Variants in USP35 observed in about 807,000 individuals in gnomAD.
USP35 encodes the protein ubiquitin specific peptidase 35.
In USP35, 69 loss-of-function variants were observed where a neutral mutation model predicts 83.8. The observed-to-expected ratio is 0.82, with a 90% confidence interval of 0.68 to 1.01. The LOEUF (loss-of-function observed/expected upper bound fraction) is 1.01. Ranked by LOEUF, USP35 falls within the 50% of genes least tolerant of loss-of-function variation. USP35 has a pLI of 0.00. For missense variants in USP35, 1,503 were observed against 1,362.5 expected, an observed-to-expected ratio of 1.10 and a Z score of -1.62; for synonymous variants, 714 against 589.5, an observed-to-expected ratio of 1.21 and a Z score of -3.06.
chr11:78,219,413 T>C, downstream of USP35: 1 of 1,613,846 alleles, frequency 6.2e-7, no homozygotes, highest in Non-Finnish European at 8.5e-7. Flanking sequence ...ATGAAGTAGA[T>C]GGCTGAGGGG....
At chr11:78,227,646 A>AAAAAAAAAAAAAAC in the USP35 span, among the ~76,000 whole-genome samples, 7 of 151,494 alleles carry the variant, frequency 4.6e-5, no homozygotes, top group Admixed American at 1.3e-4. Flanking sequence ...AAAAAAAAAA[A>AAAAAAAAAAAAAAC]AGAACTAGCT....
At chr11:78,203,568 A>G (rs1863426621) in intron 6 of USP35, among the ~76,000 whole-genome samples, 2 of 151,400 alleles carry the variant, frequency 1.3e-5, no homozygotes, top group Non-Finnish European at 2.9e-5. Flanking sequence ...ACATGTTTAC[A>G]TGTTTTAATA....
rs1863615192 is a variant in USP35 at position 78,208,779 on chromosome 11, C to T, written c.1486-78C>T. ...TGAGGCCGAGGGAATGAGGTAGACC[C>T]TCAGGCCTAACCTGTGCAGAGCTGG... On this transcript the variant is annotated intron_variant, in intron 8 of 10. Transcript: ENST00000529308. 9 of 1,504,160 alleles carry T rather than the reference C, an allele frequency of 6.0e-6. No homozygotes were observed. In the East Asian group the frequency reaches 2.0e-4, roughly 34 times the overall value. 93.2% of individuals were successfully genotyped at this position (1,504,160 alleles called of 1,614,324 possible).
rs1159495993 is a variant in USP35, at chr11:78,209,698, A to T, written c.1843A>T (p.Met615Leu). ...TCGCCGCCGCCGCCTGGGCTCTGTG[A>T]TGCGCCCCACAGAAGACATCACAGC... ...RCRRRRLGSV[M>L]RPTEDITARE... The change falls in exon 10 of 11, where the codon ATG becomes TTG. Residue 615 changes from methionine to leucine, a missense_variant. By Grantham distance (15) the Met-to-Leu change is conservative. Coordinates refer to ENST00000529308, the MANE Select transcript of USP35 (RefSeq NM_020798.4). The T allele has an allele frequency of 2.5e-6, 4 of 1,613,694 alleles. No homozygotes were observed. Among genetic ancestry groups the T allele is most frequent in the African/African-American group, 1.3e-5 (1 of 74,844 alleles).
chr11:78,202,272 G>T (rs1359959668), intron 6 of USP35, among the ~76,000 whole-genome samples: 2 of 152,200 alleles, frequency 1.3e-5, no homozygotes, highest in East Asian at 1.9e-4. Context: ...CCCAAGAAAG[G>T]TTGTACCATT....
intron 1 of USP35, among the ~76,000 whole-genome samples, chr11:78,190,601 G>A (rs756877405): frequency 6.6e-6 from 1 of 152,232 alleles, no homozygotes; most frequent in East Asian, 1.9e-4. Flanking sequence ...CCTCTGCCAA[G>A]GGAGGTCCCA....
At position 78,210,493 on chromosome 11, in the gene USP35, A is replaced by G. The variant is rs766355540; in HGVS notation, c.2638A>G (p.Thr880Ala). The change falls in exon 10 of 11, where the codon ACT becomes GCT. Residue 880 changes from threonine (T) to alanine (A), a missense_variant. Thr to Ala is a moderately conservative substitution (Grantham distance 58). Transcript: ENST00000529308. ...GAARPAASLG[T>A]ADRPEPENQW... ...TGCCCGCCCTGCCGCTTCTCTGGGAACTGCCGATAGGCCAGAGCCCGAGAA... is the reference window on the plus strand; with the variant it reads ...TGCCCGCCCTGCCGCTTCTCTGGGAGCTGCCGATAGGCCAGAGCCCGAGAA... The G allele has an allele frequency of 1.4e-5, 22 of 1,613,818 alleles. No individual in the cohort carries two copies. The African/African-American group carries it at 2.7e-4, about 20-fold the overall frequency.
At chr11:78,199,451 G>A in intron 3 of USP35, 144 bp from the exon 4 acceptor site, 1 of 1,257,532 alleles carries the variant, frequency 8.0e-7, no homozygotes, top group Non-Finnish European at 1.1e-6. Flanking sequence ...GCCATGTCTG[G>A]TTCAGCCCAC....
chr11:78,208,487 G>T (rs780212609), intron 8 of USP35, among the ~76,000 whole-genome samples: 2 of 152,200 alleles, frequency 1.3e-5, no homozygotes, highest in Non-Finnish European at 2.9e-5. Flanking sequence ...GGAGGGAAGG[G>T]AAAGGTCAGT....
At chr11:78,227,112 AG>A in the USP35 span, 4 of 1,118,178 alleles carry the variant, frequency 3.6e-6, no homozygotes, top group Non-Finnish European at 5.3e-6. Flanking sequence ...TGTGACCTTG[AG>A]GCAAAGCACT....
At chr11:78,223,700 A>G in the USP35 span, 5 of 1,554,410 alleles carry the variant, frequency 3.2e-6, no homozygotes, top group Non-Finnish European at 4.4e-6. Flanking sequence ...CAGTGAAAGA[A>G]ATACAGCTGT....
rs1275222810 is a variant in USP35, at chr11:78,214,234, A to AGAGAGGCGGGGGAGGG, written c.*422_*423insAGAGGCGGGGGAGGGG. The AGAGAGGCGGGGGAGGG allele has an allele frequency of 3.1e-5, 3 of 96,200 alleles. No individual in the cohort carries two copies. The highest frequency in any genetic ancestry group is 1.0e-4 in the African/African-American group (2 of 19,632). The allele number at this position is 96,200 out of a possible 1,614,324, so 6.0% of individuals were successfully genotyped here. A position where few individuals can be genotyped will look rare whatever the true frequency, so the allele number is the denominator to read the frequency against. On this transcript the variant is annotated 3_prime_UTR_variant, in exon 11 of 11. Coordinates refer to ENST00000529308, the MANE Select transcript of USP35 (RefSeq NM_020798.4). ...ACAGCAGGATCCAAGCCTTGCACAA[A>AGAGAGGCGGGGGAGGG]GGGGTGGGGGGGGCAGTGTCTCCTC...
At chr11:78,200,845 C>T in intron 6 of USP35, 37 bp downstream of exon 6, 5 of 1,563,874 alleles carry the variant, frequency 3.2e-6, no homozygotes, top group South Asian at 1.2e-5. Flanking sequence ...TTGCCCCACT[C>T]TGACAAAGGT....
intron 5 of USP35, 100 bp from the exon 6 acceptor site, chr11:78,200,550 C>T: frequency 1.3e-6 from 2 of 1,498,196 alleles, no homozygotes; most frequent in East Asian, 2.3e-5. Flanking sequence ...GGGCAAGCCT[C>T]CCTACCTCAG....
the USP35 span, among the ~76,000 whole-genome samples, chr11:78,227,445 A>G: frequency 1.6e-3 from 251 of 152,264 alleles, no homozygotes; most frequent in African/African-American, 5.6e-3. Context: ...CTCTGAGTCT[A>G]TTCTGCCACT....
In USP35 at chr11:78,196,318, G is replaced by T. The variant is rs1216169798; in HGVS notation, c.73G>T (p.Val25Leu). The change falls in exon 2 of 11, where the codon GTG becomes TTG. Residue 25 changes from valine to leucine, a missense_variant. Transcript: ENST00000529308. This position sits in a 1 kb window ranked among gnomAD's most constrained non-coding sequence, Gnocchi z 4.8. ...CGTGAAGCAGGGGCTGGTTCGGCGC[G>T]TGCTGGAGGCGGCGCGGCAGCCGCT... The part of the protein sequence containing the change: ...VSVKQGLVRR[V>L]LEAARQPLER... 6.3e-7 allele frequency: 1 copy of T among 1,589,732 alleles called. No individual in the cohort carries two copies. The highest frequency in any genetic ancestry group is 1.7e-5 in the Admixed American group (1 of 59,390).
the USP35 span, among the ~76,000 whole-genome samples, chr11:78,230,120 A>C: frequency 6.6e-6 from 1 of 152,260 alleles, no homozygotes; most frequent in African/African-American, 2.4e-5. Flanking sequence ...GTTGCATTAT[A>C]AATAATGAAT....
intron 8 of USP35, among the ~76,000 whole-genome samples, chr11:78,208,294 G>A (rs1038068882): frequency 6.6e-6 from 1 of 152,204 alleles, no homozygotes; most frequent in Admixed American, 6.5e-5. Context: ...ACCACAGCAT[G>A]TTGCTTCATT....
Position 78,213,631 on chromosome 11 carries a change from C to T in USP35, c.2890-15C>T. The T allele has an allele frequency of 1.4e-6, 2 of 1,471,338 alleles. No homozygotes were observed. Among genetic ancestry groups the T allele is most frequent in the African/African-American group, 1.5e-5 (1 of 67,762 alleles). 91.1% of individuals were successfully genotyped at this position (1,471,338 alleles called of 1,614,324 possible). A position where few individuals can be genotyped will look rare whatever the true frequency, so the allele number is the denominator to read the frequency against. On this transcript the variant is annotated splice_polypyrimidine_tract_variant and intron_variant, in intron 10 of 10. Transcript: ENST00000529308. ...TGAATTCTAAGTCTAAGTCTCCTCT[C>T]ATCTGTGTTCCCAGGAGCAGGAGAA... is the stretch of plus-strand genomic sequence containing the variant.
Sources: gnomAD v4.1 joint callset for allele counts (sites outside exome capture counted in the v4.1 genomes callset) on GRCh38, gnomAD v4.1.1 for gene constraint, Gnocchi (gnomAD v3.1) non-coding constraint, MANE v1.5 for transcripts, NCBI Gene and HGNC (gene_info 2026-07-23, HGNC 2026-07-21) for gene names.